The following SLC25A21 variants were observed in gnomAD, a reference collection of about 807,000 sequenced individuals.
The protein encoded by SLC25A21 is mitochondrial 2-oxodicarboxylate carrier.
In SLC25A21, 47 loss-of-function variants were observed where a neutral mutation model predicts 43.8. The ratio of observed to expected loss-of-function variants is 1.07; its 90% CI spans 0.85 to 1.37. The LOEUF is 1.37. SLC25A21 is among the 40% of genes most tolerant of loss of function. The probability of loss-of-function intolerance (pLI) is 0.00; values close to 1 mark genes in which losing one functional copy is unlikely to be tolerated. For missense variants in SLC25A21, 352 were observed against 350.2 expected (o/e 1.00, Z -0.04); for synonymous variants, 131 against 121.3 (o/e 1.08, Z -0.52).
chr14:36,897,110 C>A (rs555694330), intron 1 of SLC25A21, among the ~76,000 whole-genome samples: 15 of 152,312 alleles, frequency 9.8e-5, no homozygotes, highest in African/African-American at 3.6e-4. Flanking sequence ...GGGAAGTTCT[C>A]CTGGATTATA....
intron 5 of SLC25A21, among the ~76,000 whole-genome samples, chr14:36,728,606 C>T (rs888085293): frequency 1.3e-5 from 2 of 152,148 alleles, no homozygotes; most frequent in Non-Finnish European, 2.9e-5. Flanking sequence ...AAAAGTGATG[C>T]TATTAGGTTT....
At chr14:36,865,433 TTCTGG>T (rs1479554696) in intron 2 of SLC25A21, among the ~76,000 whole-genome samples, 1 of 152,120 alleles carries the variant, frequency 6.6e-6, no homozygotes, top group Non-Finnish European at 1.5e-5. Flanking sequence ...AATGTGTTGT[TTCTGG>T]CTGTGGATAA....
At chr14:37,041,721 G>A (rs1476748233) in intron 1 of SLC25A21, among the ~76,000 whole-genome samples, 1 of 152,174 alleles carries the variant, frequency 6.6e-6, no homozygotes, top group Non-Finnish European at 1.5e-5. Context: ...GCTTAAATAT[G>A]TAGCTAAACA....
At chr14:37,135,977 T>C (rs1402098065) in intron 1 of SLC25A21, among the ~76,000 whole-genome samples, 1 of 152,200 alleles carries the variant, frequency 6.6e-6, no homozygotes, top group Non-Finnish European at 1.5e-5. Context: ...ATAGTGATAG[T>C]TCAGTGACTA....
chr14:36,880,570 G>T (rs1253060656), intron 1 of SLC25A21, among the ~76,000 whole-genome samples: 1 of 152,110 alleles, frequency 6.6e-6, no homozygotes, highest in Non-Finnish European at 1.5e-5. Context: ...CTGGTACTCA[G>T]TATGCTCAAT....
intron 1 of SLC25A21, among the ~76,000 whole-genome samples, chr14:36,919,643 C>CTATCTA (rs1432807223): frequency 2.0e-5 from 3 of 150,630 alleles, no homozygotes. Flanking sequence ...ATCTATCTAT[C>CTATCTA]TATCTATCTA....
chr14:36,835,669 CT>C (rs1889185231), intron 2 of SLC25A21, among the ~76,000 whole-genome samples: 1 of 152,200 alleles, frequency 6.6e-6, no homozygotes, highest in Non-Finnish European at 1.5e-5. Context: ...TAAATAAGAA[CT>C]TAATGACTTA....
At chr14:36,725,385 G>A (rs1026404791) in intron 6 of SLC25A21, 185 bp downstream of exon 6, 2 of 195,502 alleles carry the variant, frequency 1.0e-5, no homozygotes, top group Non-Finnish European at 2.0e-5. Context: ...TGAGGCAGGA[G>A]AATAGCTTGA....
chr14:37,082,162 T>C (rs373451596), intron 1 of SLC25A21, among the ~76,000 whole-genome samples: 290 of 152,314 alleles, frequency 1.9e-3, no homozygotes, highest in African/African-American at 6.4e-3. Context: ...TGTTCTCATT[T>C]ATAAGTGGGA....
intron 2 of SLC25A21, among the ~76,000 whole-genome samples, chr14:36,868,370 C>A (rs1890272007): frequency 6.6e-6 from 1 of 152,144 alleles, no homozygotes; most frequent in African/African-American, 2.4e-5. Context: ...CTTGATTCTA[C>A]ATAACTGCCA....
intron 1 of SLC25A21, among the ~76,000 whole-genome samples, chr14:37,054,789 TA>T (rs1244710166): frequency 2.0e-5 from 3 of 152,198 alleles, no homozygotes; most frequent in Non-Finnish European, 2.9e-5. Flanking sequence ...TAGGTTTAAA[TA>T]AAACAATTTC....
intron 2 of SLC25A21, among the ~76,000 whole-genome samples, chr14:36,853,027 A>T (rs1373656639): frequency 6.6e-6 from 1 of 152,146 alleles, no homozygotes; most frequent in African/African-American, 2.4e-5. Flanking sequence ...GAAAACCAGG[A>T]GTGCTTGCAA....
intron 1 of SLC25A21, among the ~76,000 whole-genome samples, chr14:36,914,514 T>G (rs1336508778): frequency 6.6e-6 from 1 of 152,174 alleles, no homozygotes; most frequent in Non-Finnish European, 1.5e-5. Context: ...GGGTAATAAA[T>G]TTTTTTCCTT....
At chr14:37,146,312 C>T (rs1165699867) in intron 1 of SLC25A21, among the ~76,000 whole-genome samples, 1 of 152,148 alleles carries the variant, frequency 6.6e-6, no homozygotes, top group African/African-American at 2.4e-5. Flanking sequence ...GTGGTACAAA[C>T]ATGGCTCCAT....
At chr14:37,156,184 A>C (rs1313013479) in intron 1 of SLC25A21, among the ~76,000 whole-genome samples, 2 of 151,432 alleles carry the variant, frequency 1.3e-5, no homozygotes, top group African/African-American at 4.8e-5. Context: ...AAAATACACG[A>C]AAGTATAAAA....
intron 1 of SLC25A21, among the ~76,000 whole-genome samples, chr14:36,893,057 T>C (rs1351738066): frequency 3.3e-5 from 5 of 152,224 alleles, no homozygotes; most frequent in Admixed American, 1.3e-4. Flanking sequence ...CCTTTGGGTA[T>C]ATAACCAGTA....
chr14:36,787,440 T>A (rs1887291284), intron 3 of SLC25A21, among the ~76,000 whole-genome samples: 1 of 152,192 alleles, frequency 6.6e-6, no homozygotes, highest in Non-Finnish European at 1.5e-5. Context: ...CGCCAATGGT[T>A]TTAAAGCATA....
rs1885895687 is a variant in SLC25A21 at position 36,755,621 on chromosome 14, T to C, written c.204-21048A>G. ...ACACTCTCAATTTCTGTGCTTATTG[T>C]GAACCACACTTTGACCACTCATTTT... On this transcript the variant is annotated intron_variant, in intron 3 of 9. Coordinates refer to ENST00000331299, the MANE Select transcript of SLC25A21 (RefSeq NM_030631.4). Among the ~76,000 whole-genome samples the C allele has an allele frequency of 2.0e-5, 3 of 152,216 alleles. No individual in the cohort carries two copies. The South Asian group carries it at 6.2e-4, about 32-fold the overall frequency.
intron 1 of SLC25A21, among the ~76,000 whole-genome samples, chr14:37,006,694 G>T (rs1327640665): frequency 6.6e-6 from 1 of 151,884 alleles, no homozygotes; most frequent in African/African-American, 2.4e-5. Context: ...ACATTTTAAT[G>T]TTTCTAAAAT....
Sources: allele counts gnomAD v4.1 joint callset (sites outside exome capture counted in the v4.1 genomes callset), GRCh38; gene constraint gnomAD v4.1.1; transcripts MANE v1.5; gene names NCBI Gene and HGNC (gene_info 2026-07-23, HGNC 2026-07-21).